The following HS6ST3 variants were observed in gnomAD, a reference collection of about 807,000 sequenced individuals.
HS6ST3 encodes heparan sulfate 6-O-sulfotransferase 3.
HS6ST3 carries 12 observed loss-of-function variants against 36.7 expected under a neutral mutation model. The ratio of observed to expected loss-of-function variants is 0.33; its 90% CI spans 0.21 to 0.53. HS6ST3 has a LOEUF of 0.53. HS6ST3 is among the 20% of genes least tolerant of loss of function. The pLI is 0.95. For synonymous variants in HS6ST3, 240 were observed against 257.5 expected (o/e 0.93, Z 0.65); for missense variants, 584 against 640.9 (o/e 0.91, Z 0.96).
At chr13:96,361,210 T>C (rs1194956497) in intron 1 of HS6ST3, among the ~76,000 whole-genome samples, 3 of 152,176 alleles carry the variant, frequency 2.0e-5, no homozygotes, top group Admixed American at 6.6e-5. Context: ...TATCCCCATA[T>C]TGCAAATGAA....
chr13:96,097,220 G>A (rs2053795758), intron 1 of HS6ST3, among the ~76,000 whole-genome samples: 1 of 152,242 alleles, frequency 6.6e-6, no homozygotes, highest in East Asian at 1.9e-4. Flanking sequence ...AAATTGAAAT[G>A]TTTTCATAAT....
rs1242232662 is a variant in HS6ST3, at chr13:96,569,753, C to G, written c.708-262737C>G. Among the ~76,000 whole-genome samples, 3 of 152,136 alleles carry G rather than the reference C, an allele frequency of 2.0e-5. 1 individual carries two copies. The highest frequency in any genetic ancestry group is 2.0e-4 in the Admixed American group (3 of 15,276). On this transcript the variant is annotated intron_variant, in intron 1 of 1. Transcript: ENST00000376705. Reference sequence around the variant, plus strand: ...GAAATAAAGACCAATTTGTCTAGCCCATTTCTTTAAATAGGGAATGTGGGG... The same window carrying G: ...GAAATAAAGACCAATTTGTCTAGCCGATTTCTTTAAATAGGGAATGTGGGG...
chr13:96,179,656 A>G (rs1221722431), intron 1 of HS6ST3, among the ~76,000 whole-genome samples: 1 of 152,154 alleles, frequency 6.6e-6, no homozygotes, highest in Non-Finnish European at 1.5e-5. Context: ...AGTCTCTTGC[A>G]TATTATCACC....
chr13:96,392,927 C>A (rs1308149059), intron 1 of HS6ST3, among the ~76,000 whole-genome samples: 1 of 152,106 alleles, frequency 6.6e-6, no homozygotes, highest in East Asian at 1.9e-4. Context: ...GGCTCTGTCC[C>A]CACCCAGATC....
chr13:96,748,637 A>G (rs569977116), intron 1 of HS6ST3, among the ~76,000 whole-genome samples: 2 of 152,092 alleles, frequency 1.3e-5, no homozygotes, highest in South Asian at 2.1e-4. Flanking sequence ...CTCACCCACT[A>G]CAATGTAAAT....
At chr13:96,573,647 A>G (rs2056309427) in intron 1 of HS6ST3, 1 of 277,812 alleles carries the variant, frequency 3.6e-6, no homozygotes, top group South Asian at 3.5e-5. Flanking sequence ...TACATCCTCC[A>G]CTGGAGTCCA....
intron 1 of HS6ST3, among the ~76,000 whole-genome samples, chr13:96,319,488 A>C (rs1357312425): frequency 6.6e-6 from 1 of 152,128 alleles, no homozygotes; most frequent in Admixed American, 6.6e-5. Flanking sequence ...TATTTTTTAA[A>C]ATTTCTCTTG....
At chr13:96,273,046 A>T (rs551181247) in intron 1 of HS6ST3, among the ~76,000 whole-genome samples, 5 of 152,128 alleles carry the variant, frequency 3.3e-5, no homozygotes, top group African/African-American at 1.2e-4. Context: ...CCTACACTAA[A>T]ATAATAGAAT....
At chr13:96,278,192 C>G (rs1032814665) in intron 1 of HS6ST3, among the ~76,000 whole-genome samples, 4 of 152,270 alleles carry the variant, frequency 2.6e-5, no homozygotes, top group African/African-American at 9.6e-5. Context: ...CTATGACAAT[C>G]AATACCTTAA....
At chr13:96,532,653 T>C (rs1305334113) in intron 1 of HS6ST3, among the ~76,000 whole-genome samples, 2 of 152,178 alleles carry the variant, frequency 1.3e-5, no homozygotes, top group Admixed American at 1.3e-4. Context: ...TGTGCTAGGC[T>C]AACAAAGAGA....
chr13:96,728,272 T>G (rs1238771973), intron 1 of HS6ST3, among the ~76,000 whole-genome samples: 1 of 152,178 alleles, frequency 6.6e-6, no homozygotes, highest in East Asian at 1.9e-4. Flanking sequence ...ACTCTAAAAA[T>G]GTTTAATGAA....
intron 1 of HS6ST3, among the ~76,000 whole-genome samples, chr13:96,402,815 G>A (rs1229930342): frequency 6.6e-6 from 1 of 152,154 alleles, no homozygotes; most frequent in Non-Finnish European, 1.5e-5. Context: ...CCATTCTCCT[G>A]TTGATGAACA....
rs180946611 is a variant in HS6ST3, at chr13:96,140,184, A to G, written c.707+48615A>G. On this transcript the variant is annotated intron_variant, in intron 1 of 1. Transcript: ENST00000376705. ...TATATCAAAACGTATGCAAACAAAC[A>G]CATACCATACATACTGCCAAAATGT... Among the ~76,000 whole-genome samples the G allele has an allele frequency of 3.7e-3, 570 of 152,356 alleles. 3 individuals are homozygous for G. The highest frequency in any genetic ancestry group is 0.013 in the African/African-American group (548 of 41,580).
At chr13:96,435,930 T>G (rs1178937782) in intron 1 of HS6ST3, among the ~76,000 whole-genome samples, 1 of 152,226 alleles carries the variant, frequency 6.6e-6, no homozygotes, top group Non-Finnish European at 1.5e-5. Flanking sequence ...CTGAAGATCA[T>G]GAGTAGCTCC....
chr13:96,801,688 A>G (rs532366385), intron 1 of HS6ST3, among the ~76,000 whole-genome samples: 1 of 152,230 alleles, frequency 6.6e-6, no homozygotes, highest in Non-Finnish European at 1.5e-5. Context: ...AGTCCACGAC[A>G]GAGTCAGGAT....
chr13:96,607,474 A>G (rs997475292), intron 1 of HS6ST3, among the ~76,000 whole-genome samples: 1 of 152,216 alleles, frequency 6.6e-6, no homozygotes, highest in African/African-American at 2.4e-5. Flanking sequence ...AAGTAGAATA[A>G]CTAGAGAGAC....
intron 1 of HS6ST3, among the ~76,000 whole-genome samples, chr13:96,391,805 C>T (rs569746520): frequency 1.3e-5 from 2 of 152,296 alleles, no homozygotes; most frequent in South Asian, 4.1e-4. Flanking sequence ...ATTCAATCAC[C>T]TCCCACCAGG....
intron 1 of HS6ST3, among the ~76,000 whole-genome samples, chr13:96,597,864 A>C (rs977465593): frequency 1.3e-5 from 2 of 152,106 alleles, no homozygotes; most frequent in Admixed American, 6.6e-5. Flanking sequence ...GTGACAAATA[A>C]GGATCCAGTT....
At chr13:96,572,889 T>C (rs980864876) in intron 1 of HS6ST3, among the ~76,000 whole-genome samples, 2 of 152,210 alleles carry the variant, frequency 1.3e-5, no homozygotes, top group African/African-American at 4.8e-5. Context: ...CAAGAAGCAA[T>C]GATAGGCACA....
Sources: allele counts gnomAD v4.1 joint callset (sites outside exome capture counted in the v4.1 genomes callset), GRCh38; gene constraint gnomAD v4.1.1; transcripts MANE v1.5; gene names NCBI Gene and HGNC (gene_info 2026-07-23, HGNC 2026-07-21).